Variants in TRPM8 observed in about 807,000 individuals in gnomAD.
TRPM8 encodes TRPM8 cationic channel.
Under a neutral mutation model 133.7 loss-of-function variants are expected in TRPM8, and 110 were observed. That is an observed-to-expected ratio of 0.82 (90% CI 0.70 to 0.96). TRPM8 has a LOEUF of 0.96. Among genes scored for constraint, TRPM8 ranks in the 40% least tolerant of loss-of-function variants. The pLI is 0.00. For missense variants in TRPM8, 1,291 were observed against 1,379.5 expected (o/e 0.94, Z 1.02); for synonymous variants, 535 against 532.3 (o/e 1.01, Z -0.07).
chr2:233,970,731 G>A (rs1205389938), intron 17 of TRPM8, among the ~76,000 whole-genome samples: 1 of 152,194 alleles, frequency 6.6e-6, no homozygotes, highest in Non-Finnish European at 1.5e-5. Flanking sequence ...ACCCACTGCT[G>A]TCATCAGGAG....
chr2:233,964,626 A>AG lies in TRPM8; in HGVS notation c.1750-1dup. 1.3e-6 allele frequency: 2 copies of AG among 1,550,446 alleles called. No homozygotes were observed. Among genetic ancestry groups the AG allele is most frequent in the Non-Finnish European group, 1.7e-6 (2 of 1,148,930 alleles). ...CTTAAAATTCTTCACCCCCCTAAAA[A>AG]GACCAGGGGCTGCACTCTGGCAGCC... is the stretch of plus-strand genomic sequence containing the variant. On this transcript the variant is annotated splice_acceptor_variant, in intron 13 of 25. Transcript: ENST00000324695. LOFTEE classifies it high-confidence loss of function.
Position 234,006,839 on chromosome 2 carries a change from T to C in TRPM8, c.3131-14T>C. 1 of 1,591,140 alleles carries C rather than the reference T, an allele frequency of 6.3e-7. No homozygotes were observed. On this transcript the variant is annotated splice_polypyrimidine_tract_variant and intron_variant, in intron 22 of 25. Transcript: ENST00000324695. ...TGAAACAATTTGAATGTTTTCTTTTTCTCATTATTCAAGGTTTCAAAAATG... is the reference window on the plus strand; with the variant it reads ...TGAAACAATTTGAATGTTTTCTTTTCCTCATTATTCAAGGTTTCAAAAATG...
chr2:233,969,722 G>A lies in TRPM8; in HGVS notation c.2053G>A (p.Glu685Lys). Residue 685 changes from glutamate to lysine, a missense_variant, in exon 16 of 26, where the codon GAG becomes AAG. Around this residue, in one of 2 missense-constraint regions of TRPM8, gnomAD observed 963 missense variants for 968.9 expected, o/e 0.99. Transcript: ENST00000324695. ...TTTTCTTTCTAAGCAATGGTATGGAGAGATTTCCCGAGACACCAAGAACTG... is the reference window on the plus strand; with the variant it reads ...TTTTCTTTCTAAGCAATGGTATGGAAAGATTTCCCGAGACACCAAGAACTG... ...QNFLSKQWYG[E>K]ISRDTKNWKI... The A allele has an allele frequency of 6.2e-7, 1 of 1,613,302 alleles. No individual in the cohort carries two copies. The highest frequency in any genetic ancestry group is 1.1e-5 in the South Asian group (1 of 91,050).
Position 233,947,089 on chromosome 2 carries a change from T to G in TRPM8, c.876T>G (p.Asp292Glu), listed in dbSNP as rs373497622. The change falls in exon 8 of 26, where the codon GAT becomes GAG. Residue 292 changes from aspartate (D) to glutamate (E), a missense_variant and splice_region_variant. Asp to Glu is a conservative substitution (Grantham distance 45). This residue lies in a region of TRPM8 where 963 missense variants were observed against 968.9 expected (regional missense o/e 0.99). Coordinates refer to ENST00000324695, the MANE Select transcript of TRPM8 (RefSeq NM_024080.5). ...TGCTTTACTTTTTATATTTTACAGA[T>G]TCCAACTATGGTGGCAAGATCCCCA... ...EKYISERTIQ[D>E]SNYGGKIPIV... 9 of 1,613,910 alleles carry G rather than the reference T, an allele frequency of 5.6e-6. No individual in the cohort carries two copies. In the African/African-American group the frequency reaches 1.2e-4, roughly 22 times the overall value.
At chr2:233,951,675 A>G (rs1265951331) in intron 9 of TRPM8, among the ~76,000 whole-genome samples, 2 of 152,234 alleles carry the variant, frequency 1.3e-5, no homozygotes, top group Non-Finnish European at 2.9e-5. Context: ...TAGCTAATTC[A>G]TATTCATACT....
At chr2:234,015,578 T>C (rs998605913) in intron 25 of TRPM8, among the ~76,000 whole-genome samples, 1 of 152,184 alleles carries the variant, frequency 6.6e-6, no homozygotes, top group African/African-American at 2.4e-5. Flanking sequence ...GATTGTGCTA[T>C]AGGGGAAATC....
At chr2:233,918,986 A>G (rs911076320) in intron 1 of TRPM8, among the ~76,000 whole-genome samples, 3 of 152,110 alleles carry the variant, frequency 2.0e-5, no homozygotes, top group Admixed American at 2.0e-4. Context: ...AGTATGAACA[A>G]GTTTTTCCTC....
At chr2:233,998,185 G>A (rs1692456802) in intron 22 of TRPM8, among the ~76,000 whole-genome samples, 1 of 152,048 alleles carries the variant, frequency 6.6e-6, no homozygotes, top group Non-Finnish European at 1.5e-5. Context: ...TCCTCCATCA[G>A]GCACAGTGCC....
chr2:233,948,607 G>T (rs6738375), intron 8 of TRPM8, among the ~76,000 whole-genome samples: 57,900 of 152,154 alleles, frequency 0.38, 17,491 homozygotes, highest in African/African-American at 0.81. Flanking sequence ...TGGCCTAGGG[G>T]GTAGGGGGAG....
Position 233,955,152 on chromosome 2 carries a change from G to A in TRPM8, c.1264G>A (p.Asp422Asn). The A allele has an allele frequency of 6.2e-7, 1 of 1,614,090 alleles. No individual in the cohort carries two copies. Among genetic ancestry groups the A allele is most frequent in the South Asian group, 1.1e-5 (1 of 91,062 alleles). Reference protein sequence around the residue: ...LYKAFSTSEQDKDNWNGQLKL... With the variant: ...LYKAFSTSEQNKDNWNGQLKL... ...CACAGCCTTCAGCACCAGTGAGCAA[G>A]ACAAGGATAACTGGAATGGGCAGCT... Residue 422 changes from aspartate (D) to asparagine (N), a missense_variant, in exon 11 of 26, where the codon GAC becomes AAC. By Grantham distance (23) the Asp-to-Asn change is conservative. Around this residue, in one of 2 missense-constraint regions of TRPM8, gnomAD observed 963 missense variants for 968.9 expected, o/e 0.99. Coordinates refer to ENST00000324695, the MANE Select transcript of TRPM8 (RefSeq NM_024080.5).
intron 8 of TRPM8, among the ~76,000 whole-genome samples, chr2:233,948,928 G>T (rs1204280306): frequency 6.6e-6 from 1 of 152,204 alleles, no homozygotes; most frequent in Non-Finnish European, 1.5e-5. Context: ...CAACTATTCA[G>T]GAGGCTAAGG....
chr2:233,928,101 C>T (rs1256982898), intron 2 of TRPM8, among the ~76,000 whole-genome samples: 2 of 150,968 alleles, frequency 1.3e-5, no homozygotes, highest in Non-Finnish European at 2.9e-5. Flanking sequence ...TCCTAAGTAG[C>T]TGGGACTACA....
chr2:233,971,621 A>G (rs1025927966), intron 17 of TRPM8, among the ~76,000 whole-genome samples: 28 of 152,182 alleles, frequency 1.8e-4, no homozygotes, highest in African/African-American at 6.5e-4. Flanking sequence ...GGTGAGTGTT[A>G]CAGCTCTTAA....
At chr2:233,962,122 G>A (rs1691454236) in intron 12 of TRPM8, among the ~76,000 whole-genome samples, 1 of 152,226 alleles carries the variant, frequency 6.6e-6, no homozygotes, top group South Asian at 2.1e-4. Flanking sequence ...AAAAGGGGAA[G>A]TGGATATTTT....
intron 1 of TRPM8, among the ~76,000 whole-genome samples, chr2:233,925,140 G>A (rs561079750): frequency 3.9e-5 from 6 of 152,142 alleles, no homozygotes; most frequent in East Asian, 1.9e-4. Flanking sequence ...TTCTGCATTC[G>A]GGAGTTATAA....
intron 22 of TRPM8, among the ~76,000 whole-genome samples, chr2:234,002,216 C>T (rs887206927): frequency 1.3e-5 from 2 of 151,680 alleles, no homozygotes; most frequent in Admixed American, 6.6e-5. Flanking sequence ...CGCCACAGAG[C>T]GAGGAGTGGG....
intron 21 of TRPM8, 68 bp from the exon 22 acceptor site, chr2:233,996,258 C>A: frequency 1.4e-6 from 2 of 1,412,054 alleles, no homozygotes; most frequent in Admixed American, 1.8e-5. Context: ...CCACTATTAC[C>A]ATACTAGGCA....
At chr2:234,005,876 C>T (rs1369749753) in intron 22 of TRPM8, among the ~76,000 whole-genome samples, 3 of 149,954 alleles carry the variant, frequency 2.0e-5, no homozygotes, top group Middle Eastern at 3.4e-3. Flanking sequence ...TGCAGTGAGC[C>T]GAGATTGCAC....
chr2:233,963,556 C>T (rs1691492107), intron 13 of TRPM8, among the ~76,000 whole-genome samples, 179 bp downstream of exon 13: 1 of 152,148 alleles, frequency 6.6e-6, no homozygotes, highest in Non-Finnish European at 1.5e-5. Flanking sequence ...GGGACCGTCC[C>T]CGGAAAGTAG....
Sources: gnomAD v4.1 joint callset for allele counts (sites outside exome capture counted in the v4.1 genomes callset) on GRCh38, gnomAD v4.1.1 for gene constraint, gnomAD v4.1.1 regional missense constraint, MANE v1.5 for transcripts, NCBI Gene and HGNC (gene_info 2026-07-23, HGNC 2026-07-21) for gene names.